ARL6IP1: variants seen among roughly 807,000 people sequenced by gnomAD.
ARL6IP1 encodes ARL6 interacting reticulophagy regulator 1.
In ARL6IP1, 16 loss-of-function variants were observed where a neutral mutation model predicts 30.1. That is an observed-to-expected ratio of 0.53 (90% CI 0.36 to 0.81). The LOEUF (loss-of-function observed/expected upper bound fraction) is 0.81, where lower values mean the gene tolerates loss of function less well. Ranked by LOEUF, ARL6IP1 falls within the 30% of genes least tolerant of loss-of-function variation. The probability of loss-of-function intolerance (pLI) is 0.01; values close to 1 mark genes in which losing one functional copy is unlikely to be tolerated. For synonymous variants in ARL6IP1, 72 were observed against 84.8 expected (o/e 0.85, Z 0.83); for missense variants, 173 against 242.7 (o/e 0.71, Z 1.91).
intron 5 of ARL6IP1, among the ~76,000 whole-genome samples, chr16:18,793,820 C>T (rs890984667): frequency 6.6e-6 from 1 of 152,208 alleles, no homozygotes; most frequent in African/African-American, 2.4e-5. Context: ...AGCGATTCTC[C>T]TGCCTCACCC....
In ARL6IP1 at chr16:18,797,368, C is replaced by G. The variant is rs113074540; in HGVS notation, c.290+557G>C. Among the ~76,000 whole-genome samples, 94 of 142,572 alleles carry G rather than the reference C, an allele frequency of 6.6e-4. 1 individual carries two copies. Among genetic ancestry groups the G allele is most frequent in the African/African-American group, 2.3e-3 (86 of 37,950 alleles). 93.5% of individuals were successfully genotyped at this position (142,572 alleles called of 152,430 possible). A position where few individuals can be genotyped will look rare whatever the true frequency, so the allele number is the denominator to read the frequency against. Reference sequence around the variant, plus strand: ...CTGCACTCCAGCCTGGGCAACAGAGCGAGCCTCCATCTCAAAAAAAAAAAA... The same window carrying G: ...CTGCACTCCAGCCTGGGCAACAGAGGGAGCCTCCATCTCAAAAAAAAAAAA... On this transcript the variant is annotated intron_variant, in intron 3 of 5. Transcript: ENST00000304414.
In ARL6IP1 at chr16:18,793,031, T is replaced by C. The variant is rs2030108621; in HGVS notation, c.*221A>G. 4 of 380,380 alleles carry C rather than the reference T, an allele frequency of 1.1e-5. No homozygotes were observed. The South Asian group carries it at 2.2e-4, about 21-fold the overall frequency. The allele number at this position is 380,380 out of a possible 1,614,324, so 23.6% of individuals were successfully genotyped here. ...TAAGAAAAGTCAAAACACTAATGAGTTGTCCATGAAGCCAACTGCTAAGAA... is the reference window on the plus strand; with the variant it reads ...TAAGAAAAGTCAAAACACTAATGAGCTGTCCATGAAGCCAACTGCTAAGAA... On this transcript the variant is annotated 3_prime_UTR_variant, in exon 6 of 6. Coordinates refer to ENST00000304414, the MANE Select transcript of ARL6IP1 (RefSeq NM_015161.3).
Position 18,792,517 on chromosome 16 carries a change from T to C in ARL6IP1, c.*735A>G, listed in dbSNP as rs2030096126. On this transcript the variant is annotated 3_prime_UTR_variant, in exon 6 of 6. Transcript: ENST00000304414. ...TTAAAAGCATGCTAGAAATCCTAAA[T>C]GCAATCTTTTGGAAGTCTGCTATTA... The C allele has an allele frequency of 6.6e-6, 1 of 152,218 alleles. No homozygotes were observed. Among genetic ancestry groups the C allele is most frequent in the Admixed American group, 6.5e-5 (1 of 15,278 alleles). The allele number at this position is 152,218 out of a possible 1,614,324, so 9.4% of individuals were successfully genotyped here. A position where few individuals can be genotyped will look rare whatever the true frequency, so the allele number is the denominator to read the frequency against.
chr16:18,794,954 T>G (rs942733029), intron 4 of ARL6IP1, among the ~76,000 whole-genome samples: 2 of 152,146 alleles, frequency 1.3e-5, no homozygotes, highest in Non-Finnish European at 2.9e-5. Flanking sequence ...AGTTAATAAC[T>G]TCACGGAACA....
At position 18,798,064 on chromosome 16, in the gene ARL6IP1, A is replaced by T; in HGVS notation, c.171-20T>A. ...ATAATCCTGTTAAAAAAATTAATAA[A>T]GGTTAGAAAAACATAGTCATTATTA... On this transcript the variant is annotated intron_variant, in intron 2 of 5. Coordinates refer to ENST00000304414, the MANE Select transcript of ARL6IP1 (RefSeq NM_015161.3). The T allele has an allele frequency of 6.4e-7, 1 of 1,567,128 alleles. No homozygotes were observed.
chr16:18,797,909 T>A lies in ARL6IP1; in HGVS notation c.290+16A>T. On this transcript the variant is annotated intron_variant, in intron 3 of 5. Coordinates refer to ENST00000304414, the MANE Select transcript of ARL6IP1 (RefSeq NM_015161.3). ...ACTACACAAAAATGAGACTGCCAAA[T>A]CATTATGCTACCTACCATTTATTGG... 1 of 1,605,228 alleles carries A rather than the reference T, an allele frequency of 6.2e-7. No individual in the cohort carries two copies. Among genetic ancestry groups the A allele is most frequent in the Non-Finnish European group, 8.5e-7 (1 of 1,177,592 alleles).
chr16:18,793,192 G>T lies in ARL6IP1; in HGVS notation c.*60C>A. On this transcript the variant is annotated 3_prime_UTR_variant, in exon 6 of 6. Coordinates refer to ENST00000304414, the MANE Select transcript of ARL6IP1 (RefSeq NM_015161.3). ...AACATTTTAGTATCCAGATAGTACA[G>T]CAGAAACGGTTCCCGGGGCAATGGG... is the stretch of plus-strand genomic sequence containing the variant. 9.1e-7 allele frequency: 1 copy of T among 1,100,896 alleles called. No homozygotes were observed. Among genetic ancestry groups the T allele is most frequent in the Non-Finnish European group, 1.4e-6 (1 of 730,962 alleles). 68.2% of individuals were successfully genotyped at this position (1,100,896 alleles called of 1,614,324 possible).
In ARL6IP1 at chr16:18,791,869, CAT is replaced by C. The variant is rs1338781351; in HGVS notation, c.*1381_*1382del. The C allele has an allele frequency of 6.6e-6, 1 of 152,420 alleles. No individual in the cohort carries two copies. Among genetic ancestry groups the C allele is most frequent in the Non-Finnish European group, 1.5e-5 (1 of 67,990 alleles). 9.4% of individuals were successfully genotyped at this position (152,420 alleles called of 1,614,324 possible). A position where few individuals can be genotyped will look rare whatever the true frequency, so the allele number is the denominator to read the frequency against. On this transcript the variant is annotated 3_prime_UTR_variant, in exon 6 of 6. Coordinates refer to ENST00000304414, the MANE Select transcript of ARL6IP1 (RefSeq NM_015161.3). ...TATGAAATAATAAAAAAAAATCAAACATATGCTACAATGGGCACCACTGTTCA... is the reference window on the plus strand; with the variant it reads ...TATGAAATAATAAAAAAAAATCAAACATGCTACAATGGGCACCACTGTTCA...
chr16:18,799,559 C>G (rs1414920078), intron 1 of ARL6IP1, among the ~76,000 whole-genome samples: 1 of 152,000 alleles, frequency 6.6e-6, no homozygotes, highest in East Asian at 1.9e-4. Flanking sequence ...AGAATTGATC[C>G]GTTGTTTTTG....
At chr16:18,799,855 G>A (rs1274780213) in intron 1 of ARL6IP1, among the ~76,000 whole-genome samples, 2 of 152,170 alleles carry the variant, frequency 1.3e-5, no homozygotes, top group Non-Finnish European at 2.9e-5. Context: ...TGTGGCAAAA[G>A]CCCTTAAAGC....
intron 1 of ARL6IP1, among the ~76,000 whole-genome samples, chr16:18,801,042 G>A (rs1162940735): frequency 6.6e-6 from 1 of 152,228 alleles, no homozygotes; most frequent in Non-Finnish European, 1.5e-5. Context: ...AAGAAGGCAG[G>A]CACATCCAGG....
intron 2 of ARL6IP1, chr16:18,798,457 T>A (rs2030309883): frequency 2.3e-6 from 1 of 431,254 alleles, no homozygotes; most frequent in Non-Finnish European, 4.0e-6. Flanking sequence ...AAAAAAAGAG[T>A]TTAAGTGTCT....
intron 2 of ARL6IP1, chr16:18,798,446 C>CA (rs1459879874): frequency 4.9e-6 from 2 of 408,984 alleles, no homozygotes; most frequent in Admixed American, 4.1e-5. Context: ...AGTATAATAA[C>CA]AAAAAAAGAG....
At chr16:18,796,619 T>C (rs752289169) in intron 3 of ARL6IP1, among the ~76,000 whole-genome samples, 1 of 152,258 alleles carries the variant, frequency 6.6e-6, no homozygotes, top group Non-Finnish European at 1.5e-5. Context: ...CAGTGATTTA[T>C]TTCCTTTGCT....
At chr16:18,795,802 T>TGTGAGTGTGTGC (rs1485979801) in intron 3 of ARL6IP1, among the ~76,000 whole-genome samples, 1 of 152,132 alleles carries the variant, frequency 6.6e-6, no homozygotes, top group Non-Finnish European at 1.5e-5. Context: ...AGAGAGTGTG[T>TGTGAGTGTGTGC]GTGTGTGTGC....
In ARL6IP1 at chr16:18,801,189, C is replaced by T. The variant is rs1411422820; in HGVS notation, c.36+242G>A. 5.0e-5 allele frequency: 71 copies of T among 1,406,326 alleles called. No homozygotes were observed. The East Asian group carries it at 1.7e-3, about 34-fold the overall frequency. 87.1% of individuals were successfully genotyped at this position (1,406,326 alleles called of 1,614,324 possible). A position where few individuals can be genotyped will look rare whatever the true frequency, so the allele number is the denominator to read the frequency against. On this transcript the variant is annotated intron_variant, in intron 1 of 5. Coordinates refer to ENST00000304414, the MANE Select transcript of ARL6IP1 (RefSeq NM_015161.3). Reference sequence around the variant, plus strand: ...GCCCCTCTGCCTCCCACTTCCTCCTCGACTCCTACTCGCGGTGATGAATCA... The same window carrying T: ...GCCCCTCTGCCTCCCACTTCCTCCTTGACTCCTACTCGCGGTGATGAATCA...
At chr16:18,797,822 G>A in intron 3 of ARL6IP1, 103 bp downstream of exon 3, 1 of 1,378,110 alleles carries the variant, frequency 7.3e-7, no homozygotes. Context: ...TTAGGTGTCT[G>A]ATGGTTAGAC....
At chr16:18,798,117 T>C (rs2030296645) in intron 2 of ARL6IP1, 73 bp from the exon 3 acceptor site, 2 of 1,380,592 alleles carry the variant, frequency 1.4e-6, no homozygotes, top group Non-Finnish European at 9.8e-7. Context: ...CTAACTTAAC[T>C]ATTCACTTAA....
chr16:18,798,894 T>C (rs1026117706), intron 1 of ARL6IP1, 60 bp from the exon 2 acceptor site: 25 of 1,485,332 alleles, frequency 1.7e-5, no homozygotes, highest in Non-Finnish European at 2.1e-5. Context: ...TTGTGGTTCA[T>C]AGACTTCAAT....
Sources: gnomAD v4.1 joint callset for allele counts (sites outside exome capture counted in the v4.1 genomes callset) on GRCh38, gnomAD v4.1.1 for gene constraint, MANE v1.5 for transcripts, NCBI Gene and HGNC (gene_info 2026-07-23, HGNC 2026-07-21) for gene names.